FHIP1A: variants seen among roughly 807,000 people sequenced by gnomAD.
FHIP1A encodes the protein FHF complex subunit HOOK interacting protein 1A, also known as FHF complex subunit HOOK-interacting protein 1A.
Under a neutral mutation model 88.6 loss-of-function variants are expected in FHIP1A, and 61 were observed. The observed-to-expected ratio is 0.69, with a 90% CI of 0.56 to 0.85. The LOEUF (loss-of-function observed/expected upper bound fraction) is 0.85. Among genes scored for constraint, FHIP1A ranks in the 40% least tolerant of loss-of-function variants. The pLI is 0.00. For missense variants in FHIP1A, 1,154 were observed against 1,273.5 expected (o/e 0.91, Z 1.43); for synonymous variants, 478 against 496.0 (o/e 0.96, Z 0.48).
chr4:151,553,181 G>A (rs1480468038), intron 3 of FHIP1A, among the ~76,000 whole-genome samples: 1 of 152,042 alleles, frequency 6.6e-6, no homozygotes, highest in African/African-American at 2.4e-5. Context: ...GATCCACAGT[G>A]GGAGATTTAA....
chr4:151,429,553 C>T (rs1036007691), intron 1 of FHIP1A, among the ~76,000 whole-genome samples: 4 of 152,106 alleles, frequency 2.6e-5, no homozygotes, highest in Non-Finnish European at 5.9e-5. Context: ...AGCACTTATC[C>T]TTTTGATTAA....
chr4:151,643,344 G>A (rs1276059452), intron 9 of FHIP1A, among the ~76,000 whole-genome samples: 1 of 151,972 alleles, frequency 6.6e-6, no homozygotes, highest in Non-Finnish European at 1.5e-5. Flanking sequence ...TATAATAGTT[G>A]CACATATTTT....
chr4:151,657,494 G>C (rs2126925593), intron 13 of FHIP1A, among the ~76,000 whole-genome samples: 1 of 152,178 alleles, frequency 6.6e-6, no homozygotes, highest in South Asian at 2.1e-4. Context: ...GGGGGTGGGG[G>C]CATGGGTCGG....
chr4:151,561,767 C>G (rs1160156489), intron 3 of FHIP1A, among the ~76,000 whole-genome samples: 2 of 152,068 alleles, frequency 1.3e-5, no homozygotes, highest in African/African-American at 4.8e-5. Flanking sequence ...AAAAAAACCT[C>G]AATCATGGAA....
chr4:151,633,951 T>C (rs925716759), intron 8 of FHIP1A, among the ~76,000 whole-genome samples: 1 of 151,794 alleles, frequency 6.6e-6, no homozygotes, highest in African/African-American at 2.4e-5. Flanking sequence ...GAGAAAGAAA[T>C]AGAAAGCATT....
chr4:151,425,293 A>G (rs570876949), intron 1 of FHIP1A, among the ~76,000 whole-genome samples: 1 of 152,318 alleles, frequency 6.6e-6, no homozygotes, highest in African/African-American at 2.4e-5. Context: ...AGGAATTTCT[A>G]CAGGACAGAT....
At chr4:151,578,513 G>T (rs910029346) in intron 5 of FHIP1A, among the ~76,000 whole-genome samples, 1 of 152,122 alleles carries the variant, frequency 6.6e-6, no homozygotes, top group Non-Finnish European at 1.5e-5. Context: ...ACTAGTTTTA[G>T]TGTATTTTGT....
At chr4:151,443,260 T>C (rs1302607215) in intron 1 of FHIP1A, among the ~76,000 whole-genome samples, 2 of 152,076 alleles carry the variant, frequency 1.3e-5, no homozygotes, top group African/African-American at 4.8e-5. Context: ...ATCACACCAC[T>C]ACACTCCAGC....
intron 6 of FHIP1A, 131 bp downstream of exon 6, chr4:151,586,930 C>A: frequency 1.5e-6 from 1 of 663,426 alleles, no homozygotes. Context: ...TGCTTTAAGC[C>A]AATTGAATGT....
chr4:151,547,270 A>G (rs574284432), intron 3 of FHIP1A, among the ~76,000 whole-genome samples: 1 of 152,284 alleles, frequency 6.6e-6, no homozygotes, highest in South Asian at 2.1e-4. Flanking sequence ...AACAGTCAAG[A>G]CACACTTCTC....
chr4:151,485,572 C>G (rs1409133568), intron 3 of FHIP1A, among the ~76,000 whole-genome samples: 1 of 151,454 alleles, frequency 6.6e-6, no homozygotes, highest in Admixed American at 6.6e-5. Context: ...AATCAGAAGC[C>G]CAGAGGGTGG....
chr4:151,451,635 A>G (rs1017325667), intron 1 of FHIP1A, among the ~76,000 whole-genome samples: 3 of 152,120 alleles, frequency 2.0e-5, no homozygotes, highest in Admixed American at 1.3e-4. Context: ...ATTTCTTCCT[A>G]CTGATCCTTT....
At chr4:151,492,902 A>C (rs192748896) in intron 3 of FHIP1A, among the ~76,000 whole-genome samples, 1 of 152,328 alleles carries the variant, frequency 6.6e-6, no homozygotes, top group Non-Finnish European at 1.5e-5. Context: ...ACAAATAGAT[A>C]ATCTAAGGTC....
Position 151,662,564 on chromosome 4 carries a change from T to A in FHIP1A, c.2933T>A (p.Val978Glu). ...GKNLLDGPPR[V>E]LQPFLTHRTK... Reference sequence around the variant, plus strand: ...AACCTTTTGGATGGACCTCCAAGAGTGCTTCAGCCCTTCCTGACCCACAGA... The same window carrying A: ...AACCTTTTGGATGGACCTCCAAGAGAGCTTCAGCCCTTCCTGACCCACAGA... The change falls in exon 14 of 14, where the codon GTG becomes GAG. Residue 978 changes from valine to glutamate, a missense_variant. Coordinates refer to ENST00000435205, the MANE Select transcript of FHIP1A (RefSeq NM_001109977.3). The A allele has an allele frequency of 6.4e-7, 1 of 1,551,092 alleles. No homozygotes were observed. The highest frequency in any genetic ancestry group is 8.7e-7 in the Non-Finnish European group (1 of 1,146,740).
intron 1 of FHIP1A, among the ~76,000 whole-genome samples, chr4:151,428,827 C>T (rs1041982323): frequency 4.6e-5 from 7 of 152,150 alleles, no homozygotes; most frequent in Admixed American, 2.0e-4. Context: ...CTTGGAACAC[C>T]ATTCCTCCCC....
chr4:151,537,843 C>G (rs921018213), intron 3 of FHIP1A, among the ~76,000 whole-genome samples: 1 of 152,122 alleles, frequency 6.6e-6, no homozygotes, highest in African/African-American at 2.4e-5. Context: ...GTACAGCTCT[C>G]TTTTATTTCA....
At chr4:151,438,271 G>T (rs1471731055) in intron 1 of FHIP1A, among the ~76,000 whole-genome samples, 1 of 151,984 alleles carries the variant, frequency 6.6e-6, no homozygotes, top group African/African-American at 2.4e-5. Flanking sequence ...TATTTTCCTT[G>T]GTAGGTTCTT....
In FHIP1A at chr4:151,451,026, G is replaced by A. The variant is rs1292388625; in HGVS notation, c.-355-3675G>A. On this transcript the variant is annotated intron_variant, in intron 1 of 13. Transcript: ENST00000435205. ...CTCCTGGCCTCAAGTGATCCACCCT[G>A]CTAGGCCTCCCAGAGTGTTGGGATT... Among the ~76,000 whole-genome samples the A allele has an allele frequency of 2.0e-5, 3 of 152,078 alleles. No individual in the cohort carries two copies. In the East Asian group the frequency reaches 5.8e-4, roughly 29 times the overall value.
intron 3 of FHIP1A, among the ~76,000 whole-genome samples, chr4:151,501,573 GT>G (rs977198386): frequency 6.7e-6 from 1 of 149,846 alleles, no homozygotes; most frequent in Non-Finnish European, 1.5e-5. Context: ...TTTGTTTTCT[GT>G]TTTCTTTAAT....
Sources: allele counts gnomAD v4.1 joint callset (sites outside exome capture counted in the v4.1 genomes callset), GRCh38; gene constraint gnomAD v4.1.1; transcripts MANE v1.5; gene names NCBI Gene and HGNC (gene_info 2026-07-23, HGNC 2026-07-21).